Variants in UGT1A8 observed in about 807,000 individuals in gnomAD.
The protein encoded by UGT1A8 is UDP-glucuronosyltransferase 1A8.
A neutral mutation model predicts 45.3 loss-of-function variants in UGT1A8; 39 were observed. The ratio of observed to expected loss-of-function variants is 0.86; its 90% confidence interval spans 0.67 to 1.12. UGT1A8 has a LOEUF of 1.12. Ranked by LOEUF, UGT1A8 falls within the 50% of genes most tolerant of loss-of-function variation. UGT1A8 has a pLI of 0.00. For missense variants in UGT1A8, 719 were observed against 664.9 expected, an observed-to-expected ratio of 1.08 and a Z score of -0.90; for synonymous variants, 275 against 249.2, an observed-to-expected ratio of 1.10 and a Z score of -0.97.
rs1372746314 is a variant in UGT1A8, at chr2:233,618,371, T to C, written c.664T>C (p.Tyr222His). ...MHLEEHLFCQ[Y>H]FSKNALEIAS... is the part of the protein sequence containing the mutation. ...CTTGGAGGAACATTTATTTTGCCAG[T>C]ATTTTTCCAAAAATGCCCTAGAAAT... The change falls in exon 1 of 5, where the codon TAT becomes CAT. Residue 222 changes from tyrosine (Y) to histidine (H), a missense_variant. Coordinates refer to ENST00000373450, the MANE Select transcript of UGT1A8 (RefSeq NM_019076.5). The C allele has an allele frequency of 1.9e-6, 3 of 1,613,962 alleles. No individual in the cohort carries two copies. Among genetic ancestry groups the C allele is most frequent in the Non-Finnish European group, 2.5e-6 (3 of 1,179,848 alleles).
intron 1 of UGT1A8, among the ~76,000 whole-genome samples, chr2:233,694,195 G>T (rs1386448927): frequency 6.6e-6 from 1 of 152,134 alleles, no homozygotes; most frequent in Non-Finnish European, 1.5e-5. Context: ...AACAGGTCCA[G>T]GTTAAAATCC....
chr2:233,688,190 C>A (rs10168155), intron 1 of UGT1A8, among the ~76,000 whole-genome samples: 1 of 151,962 alleles, frequency 6.6e-6, no homozygotes, highest in East Asian at 1.9e-4. Context: ...CCTTTATGAC[C>A]GGCTTCTTTC....
At chr2:233,743,564 G>A (rs772866173) in intron 1 of UGT1A8, 83 of 1,367,154 alleles carry the variant, frequency 6.1e-5, no homozygotes, top group Non-Finnish European at 7.6e-5. Context: ...ATTCTCCAGC[G>A]GGTTTCCCAA....
intron 1 of UGT1A8, among the ~76,000 whole-genome samples, chr2:233,685,353 A>C (rs1228516617): frequency 6.6e-6 from 1 of 152,132 alleles, no homozygotes; most frequent in Non-Finnish European, 1.5e-5. Flanking sequence ...TTTAATGAGA[A>C]AAAAAGAAAA....
At chr2:233,735,004 G>A (rs1486345884) in intron 1 of UGT1A8, among the ~76,000 whole-genome samples, 1 of 152,208 alleles carries the variant, frequency 6.6e-6, no homozygotes, top group Non-Finnish European at 1.5e-5. Flanking sequence ...ACTTAGGGTG[G>A]AGAGTTCTGT....
At chr2:233,704,449 C>T (rs1211739225) in intron 1 of UGT1A8, among the ~76,000 whole-genome samples, 2 of 152,034 alleles carry the variant, frequency 1.3e-5, no homozygotes, top group Non-Finnish European at 2.9e-5. Context: ...AAATGTCATT[C>T]CTATATAGCT....
chr2:233,682,970 T>C (rs1387016286), intron 1 of UGT1A8, among the ~76,000 whole-genome samples: 5 of 152,214 alleles, frequency 3.3e-5, no homozygotes, highest in Non-Finnish European at 7.3e-5. Flanking sequence ...AAAGCAGCTC[T>C]TGTTGATATG....
chr2:233,622,996 T>C (rs2073036386), intron 1 of UGT1A8, among the ~76,000 whole-genome samples: 1 of 152,216 alleles, frequency 6.6e-6, no homozygotes, highest in African/African-American at 2.4e-5. Context: ...TTTTCCCCAT[T>C]TCTTGTTTTT....
intron 1 of UGT1A8, among the ~76,000 whole-genome samples, chr2:233,623,312 T>A (rs982216533): frequency 1.3e-5 from 2 of 152,180 alleles, no homozygotes; most frequent in Non-Finnish European, 2.9e-5. Flanking sequence ...TAAATTACCT[T>A]GGGCAGTATG....
Position 233,689,262 on chromosome 2 carries a change from G to A in UGT1A8, c.855+70700G>A, listed in dbSNP as rs575130382. Among the ~76,000 whole-genome samples the A allele has an allele frequency of 5.8e-4, 89 of 152,272 alleles. 1 individual carries two copies. The highest frequency in any genetic ancestry group is 1.9e-3 in the African/African-American group (78 of 41,550). On this transcript the variant is annotated intron_variant, in intron 1 of 4. Coordinates refer to ENST00000373450, the MANE Select transcript of UGT1A8 (RefSeq NM_019076.5). The stretch of plus-strand genomic sequence containing the variant: ...TGTGAGTGATTCAGACTTGACTATT[G>A]TTATCATACTAAACTAAACTGGGGT...
At chr2:233,695,125 CTTTTCT>C (rs2075261912) in intron 1 of UGT1A8, among the ~76,000 whole-genome samples, 1 of 113,944 alleles carries the variant, frequency 8.8e-6, no homozygotes, top group East Asian at 2.1e-4. Flanking sequence ...CAACCCTTTT[CTTTTCT>C]TTTTTTTTTT....
At chr2:233,748,739 G>A (rs572551381) in intron 1 of UGT1A8, among the ~76,000 whole-genome samples, 1 of 151,736 alleles carries the variant, frequency 6.6e-6, no homozygotes, top group Admixed American at 6.5e-5. Flanking sequence ...ACATCTCAGA[G>A]TTCGGAAGGC....
chr2:233,650,396 T>C (rs530174587), intron 1 of UGT1A8, among the ~76,000 whole-genome samples: 8 of 152,244 alleles, frequency 5.3e-5, no homozygotes, highest in Non-Finnish European at 8.8e-5. Context: ...TTTGTCAGAA[T>C]TGTGTAAACT....
chr2:233,729,686 G>A (rs1336517970), intron 1 of UGT1A8: 2 of 1,613,912 alleles, frequency 1.2e-6, no homozygotes, highest in Admixed American at 1.7e-5. Context: ...GGCACACAGT[G>A]TCCAAACCCT....
At chr2:233,758,681 T>C (rs543730611) in intron 1 of UGT1A8, among the ~76,000 whole-genome samples, 2 of 152,218 alleles carry the variant, frequency 1.3e-5, no homozygotes, top group Admixed American at 6.5e-5. Context: ...ATATGTCCCA[T>C]AGGACACCAA....
chr2:233,718,848 C>A, intron 1 of UGT1A8: 1 of 1,613,708 alleles, frequency 6.2e-7, no homozygotes, highest in Non-Finnish European at 8.5e-7. Flanking sequence ...GGTTCCCCTG[C>A]CGCGGCTGGC....
intron 1 of UGT1A8, among the ~76,000 whole-genome samples, chr2:233,632,379 A>G (rs1008357912): frequency 1.3e-5 from 2 of 152,108 alleles, no homozygotes; most frequent in East Asian, 1.9e-4. Flanking sequence ...AAGAAAGTCA[A>G]TGGTAGCTTG....
chr2:233,647,856 A>G, intron 1 of UGT1A8: 1 of 1,305,334 alleles, frequency 7.7e-7, no homozygotes, highest in Non-Finnish European at 1.0e-6. Context: ...GGTTTTCTCC[A>G]TTGTTTTTCT....
chr2:233,766,278 C>T (rs4663334), intron 1 of UGT1A8, among the ~76,000 whole-genome samples: 20,562 of 116,134 alleles, frequency 0.18, 1,583 homozygotes, highest in African/African-American at 0.25. Flanking sequence ...CTCGGTGGCC[C>T]GGGCTCGGTG....
Sources: gnomAD v4.1 joint callset for allele counts (sites outside exome capture counted in the v4.1 genomes callset) on GRCh38, gnomAD v4.1.1 for gene constraint, MANE v1.5 for transcripts, NCBI Gene and HGNC (gene_info 2026-07-23, HGNC 2026-07-21) for gene names.